LGMN: variants seen among roughly 807,000 people sequenced by gnomAD.
The protein encoded by LGMN is asparaginyl endopeptidase.
In LGMN, 36 loss-of-function variants were observed where a neutral mutation model predicts 56.8. That is an observed-to-expected ratio of 0.63 (90% confidence interval 0.49 to 0.84). LGMN has a LOEUF of 0.84. Among genes scored for constraint, LGMN ranks in the 40% least tolerant of loss-of-function variants. LGMN has a pLI of 0.00. For missense variants in LGMN, 446 were observed against 556.1 expected, an observed-to-expected ratio of 0.80 and a Z score of 1.99; for synonymous variants, 199 against 210.1, an observed-to-expected ratio of 0.95 and a Z score of 0.46.
At chr14:92,731,452 T>C (rs1298975989) in intron 2 of LGMN, among the ~76,000 whole-genome samples, 1 of 152,168 alleles carries the variant, frequency 6.6e-6, no homozygotes, top group African/African-American at 2.4e-5. Flanking sequence ...CATCGGCAAT[T>C]ACTCCCCAGT....
At chr14:92,732,538 AC>A in intron 2 of LGMN, 110 bp downstream of exon 2, 1 of 1,223,846 alleles carries the variant, frequency 8.2e-7, no homozygotes, top group East Asian at 2.3e-5. Context: ...AGCCAGCCTA[AC>A]AGGTCCGTCA....
chr14:92,719,263 ACCGCCGCCGCCGCCACCGCCG>A (rs1566924244), intron 2 of LGMN, among the ~76,000 whole-genome samples: 12 of 65,148 alleles, frequency 1.8e-4, no homozygotes, highest in East Asian at 8.8e-4. Context: ...CACCACCGCC[ACCGCCGCCGCCGCCACCGCCG>A]CCGCCGCCGC....
Position 92,714,472 on chromosome 14 carries a change from G to T in LGMN, c.405-21C>A. ...GGCCACTGCCAAGAAGGAATCGGGG[G>T]TCAATCATTTCCTTTTTCTGTTTTT... On this transcript the variant is annotated intron_variant, in intron 5 of 13. Transcript: ENST00000334869. The surrounding 1 kb of genome is among the most constrained non-coding windows in gnomAD (Gnocchi z 5.1). 6.6e-7 allele frequency: 1 copy of T among 1,524,266 alleles called. No individual in the cohort carries two copies. The highest frequency in any genetic ancestry group is 9.0e-7 in the Non-Finnish European group (1 of 1,106,400). The allele number at this position is 1,524,266 out of a possible 1,614,324, so 94.4% of individuals were successfully genotyped here.
chr14:92,712,001 C>T (rs1277409151), intron 8 of LGMN, 46 bp from the exon 9 acceptor site: 1 of 1,411,070 alleles, frequency 7.1e-7, no homozygotes, highest in South Asian at 1.2e-5. Flanking sequence ...TTATTCCTGC[C>T]TTGGATTACG....
intron 2 of LGMN, among the ~76,000 whole-genome samples, chr14:92,719,128 A>ACCACTG (rs1890221173): frequency 6.7e-6 from 1 of 148,618 alleles, no homozygotes; most frequent in African/African-American, 2.5e-5. Flanking sequence ...CACCACCACA[A>ACCACTG]CCACCGCCAC....
chr14:92,704,142 G>A lies in LGMN; in HGVS notation c.*177C>T, dbSNP rs1464762389. 2.8e-5 allele frequency: 21 copies of A among 762,138 alleles called. No homozygotes were observed. The highest frequency in any genetic ancestry group is 2.7e-4 in the South Asian group (19 of 70,228). 47.2% of individuals were successfully genotyped at this position (762,138 alleles called of 1,614,324 possible). ...TTGTAGTTTTTCAGAAAAGACTGGG[G>A]AAGCAGGTAACAGCGAGCAAGTCAT... is the stretch of plus-strand genomic sequence containing the variant. On this transcript the variant is annotated 3_prime_UTR_variant, in exon 14 of 14. Coordinates refer to ENST00000334869, the MANE Select transcript of LGMN (RefSeq NM_005606.7).
intron 11 of LGMN, among the ~76,000 whole-genome samples, chr14:92,707,743 A>G (rs1488872267): frequency 6.6e-6 from 1 of 152,250 alleles, no homozygotes; most frequent in African/African-American, 2.4e-5. Flanking sequence ...ATAATCTTTT[A>G]CTTTACATAA....
chr14:92,738,444 A>T (rs966459915), intron 1 of LGMN, among the ~76,000 whole-genome samples: 8 of 151,248 alleles, frequency 5.3e-5, no homozygotes, highest in African/African-American at 1.5e-4. Flanking sequence ...TGCCTGGCTA[A>T]TTTTTTTGTA....
chr14:92,729,677 A>G (rs1890949742), intron 2 of LGMN, among the ~76,000 whole-genome samples: 1 of 152,196 alleles, frequency 6.6e-6, no homozygotes, highest in African/African-American at 2.4e-5. Flanking sequence ...AGGAAAATAT[A>G]AACCTCTATG....
chr14:92,729,638 T>C (rs1447648555), intron 2 of LGMN, among the ~76,000 whole-genome samples: 1 of 152,166 alleles, frequency 6.6e-6, no homozygotes, highest in East Asian at 1.9e-4. Context: ...AACAAGAGAT[T>C]TGTGGTAAAT....
chr14:92,741,095 G>A (rs1370713278), intron 1 of LGMN: 1 of 151,998 alleles, frequency 6.6e-6, no homozygotes, highest in Non-Finnish European at 1.5e-5. Flanking sequence ...GCTGAGGCAG[G>A]AGAATTGCTT....
intron 2 of LGMN, among the ~76,000 whole-genome samples, chr14:92,720,133 A>G (rs1343276016): frequency 5.9e-5 from 9 of 152,256 alleles, no homozygotes. Context: ...GGTGAGGTCC[A>G]GGGCCTGGCA....
intron 2 of LGMN, among the ~76,000 whole-genome samples, chr14:92,731,858 T>C (rs1891061342): frequency 6.6e-6 from 1 of 152,238 alleles, no homozygotes; most frequent in Non-Finnish European, 1.5e-5. Flanking sequence ...TGTTTAAATT[T>C]TGAGGAACTG....
intron 2 of LGMN, among the ~76,000 whole-genome samples, chr14:92,723,979 G>T (rs574498278): frequency 6.6e-6 from 1 of 152,136 alleles, no homozygotes; most frequent in Non-Finnish European, 1.5e-5. Context: ...TGATCCATCC[G>T]CCTTGGCTTC....
chr14:92,711,744 T>C lies in LGMN; in HGVS notation c.734A>G (p.Asp245Gly). 1 of 1,614,132 alleles carries C rather than the reference T, an allele frequency of 6.2e-7. No individual in the cohort carries two copies. The highest frequency in any genetic ancestry group is 8.5e-7 in the Non-Finnish European group (1 of 1,179,974). ...CTTGTGCAGGGTCTCTTTAGTCAGATCTTCCTGCAAAAAGTGAGACCATTA... is the reference window on the plus strand; with the variant it reads ...CTTGTGCAGGGTCTCTTTAGTCAGACCTTCCTGCAAAAAGTGAGACCATTA... ...VNWMEDSDVEDLTKETLHKQY... is the reference protein window; with the variant it reads ...VNWMEDSDVEGLTKETLHKQY... The change falls in exon 10 of 14, where the codon GAT becomes GGT. Residue 245 changes from aspartate to glycine, a missense_variant. Coordinates refer to ENST00000334869, the MANE Select transcript of LGMN (RefSeq NM_005606.7).
intron 12 of LGMN, 67 bp downstream of exon 12, chr14:92,706,416 T>G: frequency 7.5e-7 from 1 of 1,331,120 alleles, no homozygotes; most frequent in Non-Finnish European, 1.0e-6. Flanking sequence ...ACAACCAATG[T>G]GACTGCCAGG....
intron 1 of LGMN, among the ~76,000 whole-genome samples, chr14:92,746,742 A>G (rs182629643): frequency 8.5e-5 from 13 of 152,268 alleles, no homozygotes; most frequent in Admixed American, 2.0e-4. Context: ...CACACTCATA[A>G]AATCCCACCA....
At chr14:92,718,370 T>TC (rs1890177290) in intron 3 of LGMN, among the ~76,000 whole-genome samples, 1 of 152,024 alleles carries the variant, frequency 6.6e-6, no homozygotes, top group African/African-American at 2.4e-5. Flanking sequence ...GGTCAGGAGT[T>TC]CAAGACCAGC....
chr14:92,731,284 T>A (rs3993869), intron 2 of LGMN, among the ~76,000 whole-genome samples: 2 of 152,176 alleles, frequency 1.3e-5, no homozygotes, highest in African/African-American at 4.8e-5. Flanking sequence ...AATGACTTTT[T>A]AAAAAAATAA....
Sources: gnomAD v4.1 joint callset for allele counts (sites outside exome capture counted in the v4.1 genomes callset) on GRCh38, gnomAD v4.1.1 for gene constraint, Gnocchi (gnomAD v3.1) non-coding constraint, MANE v1.5 for transcripts, NCBI Gene and HGNC (gene_info 2026-07-23, HGNC 2026-07-21) for gene names.